GABPA: variants seen among roughly 807,000 people sequenced by gnomAD.
The protein encoded by GABPA is GA binding protein transcription factor subunit alpha.
Under a neutral mutation model 59.4 loss-of-function variants are expected in GABPA, and 4 were observed. That is an observed-to-expected ratio of 0.07 (90% CI 0.03 to 0.15). The LOEUF (loss-of-function observed/expected upper bound fraction) is 0.15. Among genes scored for constraint, GABPA ranks in the 10% least tolerant of loss-of-function variants. GABPA has a pLI of 1.00. For missense variants in GABPA, 251 were observed against 543.8 expected (o/e 0.46, Z 5.36); for synonymous variants, 164 against 183.1 (o/e 0.90, Z 0.84).
At position 25,741,573 on chromosome 21, in the gene GABPA, G is replaced by A; in HGVS notation, c.-26G>A. The A allele has an allele frequency of 6.6e-7, 1 of 1,524,238 alleles. No homozygotes were observed. Among genetic ancestry groups the A allele is most frequent in the South Asian group, 1.2e-5 (1 of 86,774 alleles). The allele number at this position is 1,524,238 out of a possible 1,614,324, so 94.4% of individuals were successfully genotyped here. Reference sequence around the variant, plus strand: ...ATATCTTAAAAAGTCACTCTTGCAGGACTGATCCTTTGAAATACTCCAGCC... The same window carrying A: ...ATATCTTAAAAAGTCACTCTTGCAGAACTGATCCTTTGAAATACTCCAGCC... On this transcript the variant is annotated splice_region_variant and 5_prime_UTR_variant, in exon 2 of 10. Coordinates refer to ENST00000400075, the MANE Select transcript of GABPA (RefSeq NM_002040.4).
chr21:25,764,650 G>A lies in GABPA; in HGVS notation c.999G>A (p.Lys333=), dbSNP rs776196516. Residue 333 remains lysine (K), a synonymous_variant, in exon 9 of 10, where the codon AAG becomes AAA. Coordinates refer to ENST00000400075, the MANE Select transcript of GABPA (RefSeq NM_002040.4). The stretch of plus-strand genomic sequence containing the variant: ...TTTTGCTAGAACTTCTTACTGATAA[G>A]GACGCTCGAGACTGCATTTCTTGGG... The part of the protein sequence containing the change: ...WQFLLELLTD[K]DARDCISWVG... 3.1e-6 allele frequency: 5 copies of A among 1,612,208 alleles called. No individual in the cohort carries two copies. The African/African-American group carries it at 5.3e-5, about 17-fold the overall frequency.
intron 5 of GABPA, among the ~76,000 whole-genome samples, chr21:25,756,782 G>A (rs1015004): frequency 0.31 from 47,218 of 152,050 alleles, 9,426 homozygotes; most frequent in Non-Finnish European, 0.44. Flanking sequence ...GTAAATGTTC[G>A]TGGGTTTTTG....
chr21:25,747,094 G>T (rs764652), intron 3 of GABPA, among the ~76,000 whole-genome samples: 5,347 of 152,212 alleles, frequency 0.035, 298 homozygotes, highest in African/African-American at 0.12. Flanking sequence ...ATTTAAAGAG[G>T]TTAAATAATT....
intron 6 of GABPA, among the ~76,000 whole-genome samples, chr21:25,759,946 T>C (rs1456484768): frequency 6.6e-6 from 1 of 152,248 alleles, no homozygotes; most frequent in Non-Finnish European, 1.5e-5. Flanking sequence ...GGTTCTCTTA[T>C]TGCTTCTCAA....
chr21:25,749,837 G>T (rs2123520562), intron 4 of GABPA, among the ~76,000 whole-genome samples: 1 of 152,236 alleles, frequency 6.6e-6, no homozygotes, highest in African/African-American at 2.4e-5. Context: ...GTCTCAATCA[G>T]TCAATCAATA....
rs1024135035 is a variant in GABPA at position 25,769,649 on chromosome 21, C to T, written c.*417C>T. On this transcript the variant is annotated 3_prime_UTR_variant, in exon 10 of 10. Transcript: ENST00000400075. ...CCCCTCTCTGCTGCTTTAGATGTTG[C>T]TTTACATAGAACCAGAAAATGGAAT... is the stretch of plus-strand genomic sequence containing the variant. The T allele has an allele frequency of 1.9e-5, 3 of 156,388 alleles. No individual in the cohort carries two copies. Among genetic ancestry groups the T allele is most frequent in the Admixed American group, 1.9e-4 (3 of 15,998 alleles). The allele number at this position is 156,388 out of a possible 1,614,324, so 9.7% of individuals were successfully genotyped here.
At chr21:25,747,800 C>T (rs1471316132) in intron 3 of GABPA, among the ~76,000 whole-genome samples, 1 of 152,110 alleles carries the variant, frequency 6.6e-6, no homozygotes, top group African/African-American at 2.4e-5. Context: ...ATACCAGTGT[C>T]CACCAGACAA....
intron 2 of GABPA, among the ~76,000 whole-genome samples, chr21:25,743,696 A>C (rs922622992): frequency 6.6e-6 from 1 of 152,090 alleles, no homozygotes; most frequent in South Asian, 2.1e-4. Context: ...GCTAGTATAA[A>C]GTAGTTCTTT....
Position 25,764,324 on chromosome 21 carries a change from A to T in GABPA, c.917A>T (p.Asp306Val), listed in dbSNP as rs759424636. The T allele has an allele frequency of 6.2e-7, 1 of 1,612,030 alleles. No individual in the cohort carries two copies. The highest frequency in any genetic ancestry group is 1.3e-5 in the African/African-American group (1 of 74,940). ...AGAGCGCCGAGGATTTCAGGAGAAG[A>T]TAGAAGCTCACCTGGGAACAGAACA... ...VQRAPRISGE[D>V]RSSPGNRTGN... is the part of the protein sequence containing the mutation. Residue 306 changes from aspartate to valine, a missense_variant, in exon 8 of 10, where the codon GAT becomes GTT. Physicochemically the swap from Asp to Val is radical, Grantham distance 152. Around this residue, in one of 4 missense-constraint regions of GABPA, gnomAD observed 207 missense variants for 366.7 expected, o/e 0.56. Transcript: ENST00000400075.
Position 25,735,179 on chromosome 21 carries a change from T to G in GABPA, c.-426T>G. On this transcript the variant is annotated 5_prime_UTR_variant, in exon 1 of 10. Transcript: ENST00000400075. ...CCTTGCTCTGTACGCATGCGCTCTT[T>G]GAGTGGCCTTTCCCCTAGTTCAAGC... The G allele has an allele frequency of 1.7e-6, 1 of 605,560 alleles. No individual in the cohort carries two copies. Among genetic ancestry groups the G allele is most frequent in the Non-Finnish European group, 3.0e-6 (1 of 336,628 alleles). The allele number at this position is 605,560 out of a possible 1,614,324, so 37.5% of individuals were successfully genotyped here.
At chr21:25,757,672 A>G (rs1020594572) in intron 5 of GABPA, among the ~76,000 whole-genome samples, 4 of 151,940 alleles carry the variant, frequency 2.6e-5, no homozygotes, top group African/African-American at 4.8e-5. Context: ...AAACTTGGAT[A>G]ATTTACTTTA....
intron 6 of GABPA, among the ~76,000 whole-genome samples, chr21:25,762,005 A>G (rs1037486139): frequency 2.6e-5 from 4 of 152,114 alleles, no homozygotes; most frequent in African/African-American, 7.2e-5. Context: ...ATATTTTTAC[A>G]TGGCTTTATG....
At chr21:25,745,811 G>A (rs1287462299) in intron 3 of GABPA, among the ~76,000 whole-genome samples, 1 of 152,076 alleles carries the variant, frequency 6.6e-6, no homozygotes, top group East Asian at 1.9e-4. Flanking sequence ...GATAGGTCCT[G>A]GAATTTATTG....
chr21:25,735,380 C>G lies in GABPA; in HGVS notation c.-225C>G, dbSNP rs1050096468. On this transcript the variant is annotated 5_prime_UTR_variant, in exon 1 of 10. Transcript: ENST00000400075. ...CCTGCCGGGAGTTGTAGTCCTGGAC[C>G]CGAAGGTGCCTGGGAGGCGGGAGGG... 1.6e-5 allele frequency: 3 copies of G among 193,232 alleles called. No individual in the cohort carries two copies. The highest frequency in any genetic ancestry group is 1.1e-4 in the Admixed American group (2 of 17,456). 12.0% of individuals were successfully genotyped at this position (193,232 alleles called of 1,614,324 possible).
intron 1 of GABPA, among the ~76,000 whole-genome samples, chr21:25,740,027 C>T (rs2035179261): frequency 6.6e-6 from 1 of 152,118 alleles, no homozygotes; most frequent in African/African-American, 2.4e-5. Flanking sequence ...TGTTGCAGTA[C>T]TCCAGGTAAG....
At chr21:25,756,670 T>TGCACACAA (rs1159813061) in intron 5 of GABPA, among the ~76,000 whole-genome samples, 9 of 152,232 alleles carry the variant, frequency 5.9e-5, no homozygotes, top group African/African-American at 1.9e-4. Flanking sequence ...TGCTTTCTCC[T>TGCACACAA]GCACACAAGC....
At chr21:25,763,349 C>T (rs560649861) in intron 7 of GABPA, 3 of 255,742 alleles carry the variant, frequency 1.2e-5, no homozygotes, top group South Asian at 5.3e-5. Context: ...ACCTGAGGTA[C>T]GAACACACAC....
At chr21:25,752,298 C>G (rs540153557) in intron 5 of GABPA, 64 bp downstream of exon 5, 1 of 1,474,758 alleles carries the variant, frequency 6.8e-7, no homozygotes, top group African/African-American at 1.4e-5. Context: ...ATAGAAGACA[C>G]TAGGGTAAGT....
In GABPA at chr21:25,745,225, C is replaced by T. The variant is rs143783879; in HGVS notation, c.93C>T (p.Thr31=). Residue 31 remains threonine, a synonymous_variant, in exon 3 of 10, where the codon ACC becomes ACT. Transcript: ENST00000400075. The stretch of plus-strand genomic sequence containing the variant: ...TAACATTTAGCATTGTAGAACAAAC[C>T]TACGCGCCAGCTGAATGTGTAAGCC... The part of the protein sequence containing the change: ...ECTEESIVEQ[T]YAPAECVSQA... 189 of 1,613,072 alleles carry T rather than the reference C, an allele frequency of 1.2e-4. No homozygotes were observed. The highest frequency in any genetic ancestry group is 1.4e-4 in the Non-Finnish European group (170 of 1,179,870).
Sources: gnomAD v4.1 joint callset for allele counts (sites outside exome capture counted in the v4.1 genomes callset) on GRCh38, gnomAD v4.1.1 for gene constraint, gnomAD v4.1.1 regional missense constraint, MANE v1.5 for transcripts, NCBI Gene and HGNC (gene_info 2026-07-23, HGNC 2026-07-21) for gene names.